The following CSMD1 variants were observed in gnomAD, a reference collection of about 807,000 sequenced individuals.
CSMD1 encodes CUB and Sushi multiple domains 1.
CSMD1 carries 213 observed loss-of-function variants against 417.5 expected under a neutral mutation model. That is an observed-to-expected ratio of 0.51 (90% confidence interval 0.46 to 0.57). The LOEUF is 0.57. Ranked by LOEUF, CSMD1 falls within the 20% of genes least tolerant of loss-of-function variation. The probability of loss-of-function intolerance (pLI) is 0.00; values close to 1 mark genes in which losing one functional copy is unlikely to be tolerated. For synonymous variants in CSMD1, 2,862 were observed against 1,736.8 expected (o/e 1.65, Z -16.11); for missense variants, 6,923 against 4,529.7 (o/e 1.53, Z -15.17).
At chr8:4,470,142 T>C (rs940138831) in intron 2 of CSMD1, among the ~76,000 whole-genome samples, 7 of 152,190 alleles carry the variant, frequency 4.6e-5, no homozygotes, top group African/African-American at 1.4e-4. Context: ...AGGGCTGGGA[T>C]TACAGGTGGC....
At chr8:4,092,062 C>G (rs940031422) in intron 3 of CSMD1, among the ~76,000 whole-genome samples, 4 of 152,146 alleles carry the variant, frequency 2.6e-5, no homozygotes, top group Admixed American at 6.5e-5. Flanking sequence ...TATTTCATTG[C>G]TAGCACTACT....
At chr8:4,144,975 G>C (rs778974127) in intron 3 of CSMD1, among the ~76,000 whole-genome samples, 15 of 150,912 alleles carry the variant, frequency 9.9e-5, no homozygotes, top group African/African-American at 1.7e-4. Context: ...AGGGAGGATA[G>C]CATTTGTTTC....
intron 1 of CSMD1, among the ~76,000 whole-genome samples, chr8:4,760,900 G>T (rs556421360): frequency 7.9e-4 from 120 of 152,288 alleles, no homozygotes; most frequent in Non-Finnish European, 1.2e-3. Context: ...GTGTGCAGCA[G>T]AAGTTATGGT....
intron 1 of CSMD1, among the ~76,000 whole-genome samples, chr8:4,742,950 G>T (rs993095628): frequency 6.6e-6 from 1 of 152,094 alleles, no homozygotes; most frequent in Non-Finnish European, 1.5e-5. Context: ...GATACCAAAA[G>T]TGCATTATCT....
chr8:3,776,040 G>A (rs1271164023), intron 5 of CSMD1, among the ~76,000 whole-genome samples: 2 of 152,100 alleles, frequency 1.3e-5, no homozygotes, highest in Admixed American at 1.3e-4. Context: ...TCCATGTGCT[G>A]GAGCCACCTC....
chr8:3,255,478 G>GAGGC (rs1800581963), intron 26 of CSMD1, among the ~76,000 whole-genome samples: 1 of 152,222 alleles, frequency 6.6e-6, no homozygotes, highest in Admixed American at 6.5e-5. Flanking sequence ...GGAGCCTACA[G>GAGGC]AGGCAGGCAG....
intron 43 of CSMD1, among the ~76,000 whole-genome samples, chr8:3,109,168 G>T (rs1585372181): frequency 6.6e-6 from 1 of 152,212 alleles, no homozygotes; most frequent in Non-Finnish European, 1.5e-5. Context: ...GGCAGGCTAA[G>T]GCAGGAGAAT....
chr8:4,176,081 G>T (rs1238010961), intron 3 of CSMD1, among the ~76,000 whole-genome samples: 1 of 152,112 alleles, frequency 6.6e-6, no homozygotes, highest in Non-Finnish European at 1.5e-5. Context: ...TGGAACCCTT[G>T]CAGAATCACT....
At chr8:3,750,605 G>C (rs554610010) in intron 6 of CSMD1, among the ~76,000 whole-genome samples, 1 of 152,020 alleles carries the variant, frequency 6.6e-6, no homozygotes, top group Admixed American at 6.6e-5. Flanking sequence ...TGGGCTTCAT[G>C]CTTTTTAATC....
At chr8:3,670,895 T>TATATAAGTATATGG (rs1475173817) in intron 7 of CSMD1, among the ~76,000 whole-genome samples, 16 of 104,520 alleles carry the variant, frequency 1.5e-4, no homozygotes, top group African/African-American at 5.6e-4. Context: ...TATATGTATG[T>TATATAAGTATATGG]GATATATATG....
intron 2 of CSMD1, among the ~76,000 whole-genome samples, chr8:4,456,985 TAAA>T (rs1554485114): frequency 7.2e-6 from 1 of 138,786 alleles, no homozygotes; most frequent in South Asian, 2.3e-4. Flanking sequence ...GGTTTTTTTT[TAAA>T]AAAAAAAAAA....
At chr8:4,171,383 T>C (rs866982199) in intron 3 of CSMD1, among the ~76,000 whole-genome samples, 1 of 151,926 alleles carries the variant, frequency 6.6e-6, no homozygotes, top group Non-Finnish European at 1.5e-5. Context: ...CAATTTCTTA[T>C]GGTATTTATT....
chr8:4,598,550 C>G (rs574414052), intron 2 of CSMD1, among the ~76,000 whole-genome samples: 21 of 152,224 alleles, frequency 1.4e-4, no homozygotes, highest in African/African-American at 4.1e-4. Flanking sequence ...CCAAAAGATG[C>G]AAGGAAAACT....
At chr8:3,562,413 CACAA>C (rs1004634440) in intron 10 of CSMD1, among the ~76,000 whole-genome samples, 93 of 138,836 alleles carry the variant, frequency 6.7e-4, no homozygotes, top group African/African-American at 2.5e-3. Flanking sequence ...CACACACATG[CACAA>C]ACACACATGC....
chr8:3,863,235 G>A (rs1585107012), intron 5 of CSMD1, among the ~76,000 whole-genome samples: 1 of 151,768 alleles, frequency 6.6e-6, no homozygotes, highest in Admixed American at 6.6e-5. Context: ...CATCTCTACT[G>A]AAAATACAAA....
Position 4,362,776 on chromosome 8 carries a change from T to G in CSMD1, c.415+57177A>C, listed in dbSNP as rs116472018. Among the ~76,000 whole-genome samples the G allele has an allele frequency of 5.0e-3, 760 of 152,304 alleles. 9 individuals carry two copies. The highest frequency in any genetic ancestry group is 0.017 in the African/African-American group (712 of 41,576). On this transcript the variant is annotated intron_variant, in intron 3 of 69. Coordinates refer to ENST00000635120, the MANE Select transcript of CSMD1 (RefSeq NM_033225.6). ...TTACTGAGCAATTTAGTTTTTAAGT[T>G]AAATTTAAAAATGAAAGGGAATTAT...
chr8:4,264,463 G>T (rs1017060442), intron 3 of CSMD1, among the ~76,000 whole-genome samples: 1 of 152,170 alleles, frequency 6.6e-6, no homozygotes, highest in Non-Finnish European at 1.5e-5. Flanking sequence ...CAAATTTGCA[G>T]ATCACAATTC....
intron 7 of CSMD1, among the ~76,000 whole-genome samples, chr8:3,643,309 A>C (rs1392320537): frequency 6.6e-6 from 1 of 152,098 alleles, no homozygotes; most frequent in African/African-American, 2.4e-5. Flanking sequence ...ACGGGCAAAG[A>C]AAGAGGTGAA....
rs1363957063 is a variant in CSMD1, at chr8:4,140,562, G to T, written c.416-108463C>A. 3.3e-5 allele frequency among the ~76,000 whole-genome samples: 5 copies of T among 150,956 alleles called. 1 individual carries two copies. Among genetic ancestry groups the T allele is most frequent in the African/African-American group, 1.2e-4 (5 of 40,288 alleles). On this transcript the variant is annotated intron_variant, in intron 3 of 69. Transcript: ENST00000635120. Reference sequence around the variant, plus strand: ...GTGCACCTGTAGTCTCAGCTACTAGGGAGGCTAAGGTGGGAAGACTGCTTG... The same window carrying T: ...GTGCACCTGTAGTCTCAGCTACTAGTGAGGCTAAGGTGGGAAGACTGCTTG...
Sources: gnomAD v4.1 joint callset for allele counts (sites outside exome capture counted in the v4.1 genomes callset) on GRCh38, gnomAD v4.1.1 for gene constraint, MANE v1.5 for transcripts, NCBI Gene and HGNC (gene_info 2026-07-23, HGNC 2026-07-21) for gene names.